Variants in KLHL29 observed in about 807,000 individuals in gnomAD.
KLHL29 encodes the protein kelch-like protein 29.
KLHL29 carries 21 observed loss-of-function variants against 80.4 expected under a neutral mutation model. The observed-to-expected ratio is 0.26, with a 90% CI of 0.19 to 0.38. The LOEUF is 0.38. KLHL29 is among the 10% of genes least tolerant of loss of function. The pLI is 1.00. For synonymous variants in KLHL29, 511 were observed against 526.8 expected, an observed-to-expected ratio of 0.97 and a Z score of 0.41; for missense variants, 867 against 1,223.9, an observed-to-expected ratio of 0.71 and a Z score of 4.35.
intron 1 of KLHL29, among the ~76,000 whole-genome samples, chr2:23,387,274 T>C (rs893149062): frequency 6.6e-6 from 1 of 152,186 alleles, no homozygotes; most frequent in Non-Finnish European, 1.5e-5. Flanking sequence ...TTCCAGCCTC[T>C]CTCCAGTCCA....
chr2:23,595,689 ACCT>A (rs1362893372), intron 3 of KLHL29, among the ~76,000 whole-genome samples: 3 of 151,916 alleles, frequency 2.0e-5, no homozygotes, highest in Non-Finnish European at 4.4e-5. Flanking sequence ...AGAGGACGTG[ACCT>A]CCTAGGAGGC....
intron 2 of KLHL29, among the ~76,000 whole-genome samples, chr2:23,505,459 C>T (rs950216964): frequency 1.3e-4 from 20 of 152,218 alleles, no homozygotes; most frequent in African/African-American, 4.3e-4. Flanking sequence ...GCAGGTGTGC[C>T]GCTTCTCCCC....
At chr2:23,401,952 G>A (rs1666608392) in intron 1 of KLHL29, among the ~76,000 whole-genome samples, 1 of 152,222 alleles carries the variant, frequency 6.6e-6, no homozygotes, top group African/African-American at 2.4e-5. Context: ...TGCTCCTGTG[G>A]AAAATGATCA....
intron 1 of KLHL29, among the ~76,000 whole-genome samples, chr2:23,474,262 AAATG>A (rs1333447763): frequency 4.6e-5 from 7 of 152,126 alleles, no homozygotes; most frequent in South Asian, 2.1e-4. Context: ...AATATTTATT[AAATG>A]AATGAATGAA....
intron 1 of KLHL29, among the ~76,000 whole-genome samples, chr2:23,388,989 CTTTTTTTTT>C (rs10691490): frequency 1.9e-5 from 2 of 106,892 alleles, no homozygotes; most frequent in Middle Eastern, 4.9e-3. Context: ...CTTTCTTCTT[CTTTTTTTTT>C]TTTTTTTTTT....
At position 23,684,048 on chromosome 2, in the gene KLHL29, G is replaced by T. The variant is rs1228479496; in HGVS notation, c.941-351G>T. ...TGGAGAACTTGCTCCGTAGTTATTT[G>T]ACAGTTTTTAGTTGTCTGTGATAAT... On this transcript the variant is annotated intron_variant, in intron 5 of 13. Coordinates refer to ENST00000486442, the MANE Select transcript of KLHL29 (RefSeq NM_052920.2). The surrounding 1 kb of genome is among the most constrained non-coding windows in gnomAD (Gnocchi z 4.4). Among the ~76,000 whole-genome samples the T allele has an allele frequency of 1.3e-5, 2 of 152,190 alleles. No homozygotes were observed. The highest frequency in any genetic ancestry group is 4.8e-5 in the African/African-American group (2 of 41,434).
chr2:23,415,859 C>CTG (rs1666974100), intron 1 of KLHL29, among the ~76,000 whole-genome samples: 1 of 152,058 alleles, frequency 6.6e-6, no homozygotes, highest in Non-Finnish European at 1.5e-5. Flanking sequence ...CCACCACACC[C>CTG]TGTATATATT....
In KLHL29 at chr2:23,427,951, G is replaced by A. The variant is rs376219791; in HGVS notation, c.-154+42171G>A. On this transcript the variant is annotated intron_variant, in intron 1 of 13. Coordinates refer to ENST00000486442, the MANE Select transcript of KLHL29 (RefSeq NM_052920.2). Reference sequence around the variant, plus strand: ...TGGGTGGTTATTTTATACCTGGGCGGCTCCCGTTTAATAGAGAATGCCATT... The same window carrying A: ...TGGGTGGTTATTTTATACCTGGGCGACTCCCGTTTAATAGAGAATGCCATT... Among the ~76,000 whole-genome samples, 75 of 152,270 alleles carry A rather than the reference G, an allele frequency of 4.9e-4. 1 individual carries two copies. The South Asian group carries it at 0.015, about 31-fold the overall frequency.
At chr2:23,593,207 T>G (rs1374887710) in intron 3 of KLHL29, among the ~76,000 whole-genome samples, 1 of 152,208 alleles carries the variant, frequency 6.6e-6, no homozygotes, top group African/African-American at 2.4e-5. Flanking sequence ...TCTGGTGGCT[T>G]GTTGACTGTC....
At chr2:23,581,250 G>A (rs1415339783) in intron 3 of KLHL29, among the ~76,000 whole-genome samples, 5 of 152,098 alleles carry the variant, frequency 3.3e-5, no homozygotes, top group African/African-American at 7.2e-5. Context: ...GTATATGATT[G>A]GTCCTCCTTT....
At chr2:23,630,125 A>C (rs951606761) in intron 3 of KLHL29, among the ~76,000 whole-genome samples, 3 of 152,206 alleles carry the variant, frequency 2.0e-5, no homozygotes, top group Non-Finnish European at 4.4e-5. Context: ...GGGTGGTTTC[A>C]CTGAAGTGCT....
chr2:23,613,889 A>G (rs1558408790), intron 3 of KLHL29, among the ~76,000 whole-genome samples: 1 of 152,102 alleles, frequency 6.6e-6, no homozygotes, highest in East Asian at 1.9e-4. Context: ...ACTAAGCTGA[A>G]GGGAAAAGTC....
Position 23,581,816 on chromosome 2 carries a change from G to C in KLHL29, c.285+19335G>C, listed in dbSNP as rs1558396617. Among the ~76,000 whole-genome samples, 5 of 85,714 alleles carry C rather than the reference G, an allele frequency of 5.8e-5. No individual in the cohort carries two copies. In the Admixed American group the frequency reaches 7.3e-4, roughly 13 times the overall value. 56.2% of individuals were successfully genotyped at this position (85,714 alleles called of 152,430 possible). On this transcript the variant is annotated intron_variant, in intron 3 of 13. Transcript: ENST00000486442. ...GCACTCCAGCCTGGGCAACAAGAAT[G>C]AAACTCTGCCTCAAAAAAAAAAAAA... is the stretch of plus-strand genomic sequence containing the variant.
intron 3 of KLHL29, among the ~76,000 whole-genome samples, chr2:23,622,948 G>C (rs995281181): frequency 2.6e-5 from 4 of 152,170 alleles, no homozygotes; most frequent in African/African-American, 9.7e-5. Context: ...ACTTGGATTT[G>C]AACCAGGCAG....
chr2:23,518,802 C>CA (rs1666015217), intron 2 of KLHL29, among the ~76,000 whole-genome samples: 1 of 152,262 alleles, frequency 6.6e-6, no homozygotes, highest in Admixed American at 6.5e-5. Flanking sequence ...AGCCACCCCA[C>CA]AGCTGTCCCT....
intron 13 of KLHL29, among the ~76,000 whole-genome samples, chr2:23,704,081 G>A (rs1672562814): frequency 6.6e-6 from 1 of 152,194 alleles, no homozygotes; most frequent in Non-Finnish European, 1.5e-5. Flanking sequence ...GGCTCCAGCT[G>A]GCCCCAGCTC....
chr2:23,695,258 G>A lies in KLHL29; in HGVS notation c.1543-365G>A, dbSNP rs116530514. On this transcript the variant is annotated intron_variant, in intron 8 of 13. Transcript: ENST00000486442. This position sits in a 1 kb window ranked among gnomAD's most constrained non-coding sequence, Gnocchi z 7.6. ...TCACACTCACAGCTCTTTAATAATC[G>A]CGTCTTCCTCATTTTAACCCCTCGC... Among the ~76,000 whole-genome samples, 1,092 of 152,120 alleles carry A rather than the reference G, an allele frequency of 7.2e-3. 11 individuals are homozygous for A. Among genetic ancestry groups the A allele is most frequent in the African/African-American group, 0.025 (1,031 of 41,482 alleles).
intron 1 of KLHL29, among the ~76,000 whole-genome samples, chr2:23,435,472 C>G (rs1663312049): frequency 6.6e-6 from 1 of 152,046 alleles, no homozygotes; most frequent in African/African-American, 2.4e-5. Flanking sequence ...ATATGACAGT[C>G]CTAAACAGGA....
At chr2:23,465,421 G>A (rs1459976766) in intron 1 of KLHL29, among the ~76,000 whole-genome samples, 1 of 152,192 alleles carries the variant, frequency 6.6e-6, no homozygotes, top group Non-Finnish European at 1.5e-5. Flanking sequence ...AGGTGTGGGG[G>A]CATTCATACT....
Sources: allele counts gnomAD v4.1 joint callset (sites outside exome capture counted in the v4.1 genomes callset), GRCh38; gene constraint gnomAD v4.1.1; non-coding constraint Gnocchi (gnomAD v3.1); transcripts MANE v1.5; gene names NCBI Gene and HGNC (gene_info 2026-07-23, HGNC 2026-07-21).